The following RXFP2 variants were observed in gnomAD, a reference collection of about 807,000 sequenced individuals.
RXFP2 encodes the protein relaxin receptor 2.
A neutral mutation model predicts 88.6 loss-of-function variants in RXFP2; 68 were observed. The ratio of observed to expected loss-of-function variants is 0.77; its 90% CI spans 0.63 to 0.94. The LOEUF (loss-of-function observed/expected upper bound fraction) is 0.94, where lower values mean the gene tolerates loss of function less well. RXFP2 is among the 40% of genes least tolerant of loss of function. RXFP2 has a pLI of 0.00. For missense variants in RXFP2, 791 were observed against 893.9 expected, an observed-to-expected ratio of 0.88 and a Z score of 1.47; for synonymous variants, 329 against 306.8, an observed-to-expected ratio of 1.07 and a Z score of -0.76.
At chr13:31,764,226 G>A (rs992807003) in intron 3 of RXFP2, among the ~76,000 whole-genome samples, 3 of 140,674 alleles carry the variant, frequency 2.1e-5, no homozygotes, top group Non-Finnish European at 3.1e-5. Context: ...CTCTGCCCTC[G>A]TCTGTCTCTC....
At chr13:31,798,324 A>G (rs1031743907) in intron 17 of RXFP2, among the ~76,000 whole-genome samples, 1 of 152,190 alleles carries the variant, frequency 6.6e-6, no homozygotes, top group Non-Finnish European at 1.5e-5. Flanking sequence ...CTCTTAAGCT[A>G]TCAGTTCTGT....
chr13:31,755,721 C>A (rs1282886174), intron 1 of RXFP2, among the ~76,000 whole-genome samples: 2 of 152,158 alleles, frequency 1.3e-5, no homozygotes, highest in Admixed American at 1.3e-4. Flanking sequence ...TTTAACAAGC[C>A]AACCCCAGTG....
At chr13:31,774,066 G>A (rs1872831686) in intron 5 of RXFP2, among the ~76,000 whole-genome samples, 1 of 152,200 alleles carries the variant, frequency 6.6e-6, no homozygotes, top group East Asian at 1.9e-4. Flanking sequence ...CTGATCCTAT[G>A]ACTTGAAATT....
intron 8 of RXFP2, among the ~76,000 whole-genome samples, chr13:31,777,755 A>G (rs1873062784): frequency 6.6e-6 from 1 of 152,240 alleles, no homozygotes; most frequent in Non-Finnish European, 1.5e-5. Context: ...ATTAATTTTT[A>G]TATCCTATGT....
intron 1 of RXFP2, among the ~76,000 whole-genome samples, chr13:31,750,663 C>A (rs1287633353): frequency 6.6e-6 from 1 of 152,036 alleles, no homozygotes; most frequent in African/African-American, 2.4e-5. Context: ...AAGTTTTTAA[C>A]CTGGGGACAA....
At chr13:31,790,942 G>A (rs1017603610) in intron 14 of RXFP2, among the ~76,000 whole-genome samples, 1 of 152,220 alleles carries the variant, frequency 6.6e-6, no homozygotes, top group South Asian at 2.1e-4. Flanking sequence ...AGGGCAAGAG[G>A]CGAGGTGGTG....
In RXFP2 at chr13:31,774,480, A is replaced by T. The variant is rs553953907; in HGVS notation, c.498-140A>T. The T allele has an allele frequency of 8.8e-6, 6 of 683,796 alleles. No homozygotes were observed. The Admixed American group carries it at 1.2e-4, about 14-fold the overall frequency. 42.4% of individuals were successfully genotyped at this position (683,796 alleles called of 1,614,324 possible). A position where few individuals can be genotyped will look rare whatever the true frequency, so the allele number is the denominator to read the frequency against. ...AGTTGGTAGCCATTTCTCACTGACA[A>T]CATCTCCCCAACATGAGAATAGGAC... On this transcript the variant is annotated intron_variant, in intron 5 of 17. Coordinates refer to ENST00000298386, the MANE Select transcript of RXFP2 (RefSeq NM_130806.5).
chr13:31,757,000 C>T (rs1377404628), intron 1 of RXFP2, among the ~76,000 whole-genome samples: 1 of 152,110 alleles, frequency 6.6e-6, no homozygotes, highest in Non-Finnish European at 1.5e-5. Context: ...TGAAAAGTAT[C>T]CTCTCAAAAT....
chr13:31,739,854 T>C (rs536406456), intron 1 of RXFP2, 148 bp downstream of exon 1: 33 of 673,454 alleles, frequency 4.9e-5, no homozygotes, highest in African/African-American at 4.1e-4. Context: ...TTATCTTTCA[T>C]TGCTTGTAGT....
At position 31,792,881 on chromosome 13, in the gene RXFP2, C is replaced by A; in HGVS notation, c.1579C>A (p.Pro527Thr). The A allele has an allele frequency of 6.2e-7, 1 of 1,614,106 alleles. No individual in the cohort carries two copies. The highest frequency in any genetic ancestry group is 8.5e-7 in the Non-Finnish European group (1 of 1,180,012). ...TLEKFLVIVF[P>T]FSNIRPGKRQ... ...GGAGAAGTTCCTGGTCATTGTCTTCCCCTTCAGTAACATTCGACCTGGAAA... is the reference window on the plus strand; with the variant it reads ...GGAGAAGTTCCTGGTCATTGTCTTCACCTTCAGTAACATTCGACCTGGAAA... The change falls in exon 16 of 18, where the codon CCC (proline) becomes ACC (threonine). Residue 527 changes from proline (P) to threonine (T), a missense_variant. Pro to Thr is a conservative substitution (Grantham distance 38). Transcript: ENST00000298386.
intron 1 of RXFP2, among the ~76,000 whole-genome samples, chr13:31,745,019 A>C (rs1045067359): frequency 6.6e-6 from 1 of 152,052 alleles, no homozygotes; most frequent in Non-Finnish European, 1.5e-5. Context: ...AAATACAAAA[A>C]ATTAGCCAGA....
At chr13:31,746,258 T>C (rs533250568) in intron 1 of RXFP2, among the ~76,000 whole-genome samples, 136 of 152,314 alleles carry the variant, frequency 8.9e-4, no homozygotes, top group Admixed American at 1.7e-3. Context: ...AAAATATACA[T>C]GGGCTTTTTT....
chr13:31,770,314 C>A (rs1260981107), intron 5 of RXFP2, among the ~76,000 whole-genome samples: 1 of 152,172 alleles, frequency 6.6e-6, no homozygotes, highest in East Asian at 1.9e-4. Context: ...CTACATTTGC[C>A]ATCTTTTACT....
rs540009940 is a variant in RXFP2, at chr13:31,786,649, A to T, written c.1073+12A>T. 9 of 1,460,502 alleles carry T rather than the reference A, an allele frequency of 6.2e-6. No homozygotes were observed. In the African/African-American group the frequency reaches 1.3e-4, roughly 20 times the overall value. 90.5% of individuals were successfully genotyped at this position (1,460,502 alleles called of 1,614,324 possible). On this transcript the variant is annotated intron_variant, in intron 13 of 17. Coordinates refer to ENST00000298386, the MANE Select transcript of RXFP2 (RefSeq NM_130806.5). The stretch of plus-strand genomic sequence containing the variant: ...CAACTTCAGTCTCTGTAAGTGAAAT[A>T]TTACAATTATATTGATTATAATTTT...
chr13:31,767,292 G>A (rs1325985284), intron 5 of RXFP2, among the ~76,000 whole-genome samples: 4 of 152,072 alleles, frequency 2.6e-5, no homozygotes, highest in East Asian at 3.9e-4. Flanking sequence ...TGTAAACCCC[G>A]GCTGCTCTCA....
intron 16 of RXFP2, among the ~76,000 whole-genome samples, chr13:31,794,366 CACCACACACACA>C (rs1270414041): frequency 3.3e-3 from 263 of 78,740 alleles, no homozygotes; most frequent in African/African-American, 0.011. Flanking sequence ...CTGAAACACA[CACCACACACACA>C]CACACACACA....
intron 10 of RXFP2, among the ~76,000 whole-genome samples, chr13:31,781,953 C>T (rs1460785857): frequency 2.0e-5 from 3 of 152,044 alleles, no homozygotes; most frequent in Admixed American, 1.3e-4. Flanking sequence ...ACATCATGTG[C>T]CATCTTTATT....
intron 1 of RXFP2, among the ~76,000 whole-genome samples, chr13:31,749,141 T>C (rs1871555279): frequency 1.3e-5 from 2 of 152,244 alleles, no homozygotes; most frequent in Admixed American, 1.3e-4. Context: ...TTTTTTCTTA[T>C]GTTATCTTCT....
intron 5 of RXFP2, among the ~76,000 whole-genome samples, chr13:31,771,908 G>A (rs1178592745): frequency 6.6e-6 from 1 of 151,978 alleles, no homozygotes; most frequent in Non-Finnish European, 1.5e-5. Context: ...AGTCTGGAAT[G>A]CTCTAAATAT....
Sources: allele counts gnomAD v4.1 joint callset (sites outside exome capture counted in the v4.1 genomes callset), GRCh38; gene constraint gnomAD v4.1.1; transcripts MANE v1.5; gene names NCBI Gene and HGNC (gene_info 2026-07-23, HGNC 2026-07-21).